The following MARCHF11 variants were observed in gnomAD, a reference collection of about 807,000 sequenced individuals.
MARCHF11 encodes E3 ubiquitin-protein ligase MARCHF11.
MARCHF11 carries 29 observed loss-of-function variants against 37.3 expected under a neutral mutation model. That is an observed-to-expected ratio of 0.78 (90% CI 0.58 to 1.06). The LOEUF (loss-of-function observed/expected upper bound fraction) is 1.06. Among genes scored for constraint, MARCHF11 ranks in the 50% least tolerant of loss-of-function variants. The pLI is 0.00. For synonymous variants in MARCHF11, 233 were observed against 228.0 expected (o/e 1.02, Z -0.20); for missense variants, 482 against 533.4 (o/e 0.90, Z 0.95).
intron 2 of MARCHF11, among the ~76,000 whole-genome samples, chr5:16,111,817 G>A (rs1035841770): frequency 6.6e-6 from 1 of 152,116 alleles, no homozygotes; most frequent in African/African-American, 2.4e-5. Context: ...TGGTTTCCTG[G>A]GCCAGGCCTA....
At chr5:16,101,721 C>T (rs1013690965) in intron 2 of MARCHF11, among the ~76,000 whole-genome samples, 10 of 152,224 alleles carry the variant, frequency 6.6e-5, no homozygotes, top group Non-Finnish European at 7.3e-5. Context: ...TTGAAAGCTA[C>T]CTTTGCTAAA....
intron 2 of MARCHF11, among the ~76,000 whole-genome samples, chr5:16,176,521 A>G (rs908582225): frequency 3.9e-5 from 6 of 152,176 alleles, no homozygotes; most frequent in African/African-American, 1.2e-4. Context: ...CATATTATTT[A>G]TGCTTTCTCT....
intron 2 of MARCHF11, among the ~76,000 whole-genome samples, chr5:16,119,666 G>A (rs1212692152): frequency 6.6e-6 from 1 of 151,238 alleles, no homozygotes; most frequent in Non-Finnish European, 1.5e-5. Flanking sequence ...AAAAAAAAAT[G>A]CCTATTCATG....
chr5:16,072,720 C>T (rs1207176109), intron 3 of MARCHF11, among the ~76,000 whole-genome samples: 1 of 152,076 alleles, frequency 6.6e-6, no homozygotes, highest in Non-Finnish European at 1.5e-5. Context: ...AGAGTTTTGC[C>T]CTGCACTCCT....
At chr5:16,133,924 G>A (rs937456450) in intron 2 of MARCHF11, among the ~76,000 whole-genome samples, 4 of 152,096 alleles carry the variant, frequency 2.6e-5, no homozygotes, top group Admixed American at 6.6e-5. Context: ...GGTTTGAAAC[G>A]TCCTTAAGGG....
chr5:16,073,805 T>C (rs1736473933), intron 3 of MARCHF11, among the ~76,000 whole-genome samples: 2 of 152,124 alleles, frequency 1.3e-5, no homozygotes, highest in African/African-American at 4.8e-5. Flanking sequence ...ATTTTGTGAA[T>C]ATGCATCTCC....
chr5:16,113,963 C>T (rs201359852), intron 2 of MARCHF11, among the ~76,000 whole-genome samples: 1 of 151,690 alleles, frequency 6.6e-6, no homozygotes. Flanking sequence ...CCTTTCTAAG[C>T]GTCTGGTATC....
At chr5:16,142,382 C>G (rs1441022501) in intron 2 of MARCHF11, among the ~76,000 whole-genome samples, 3 of 152,166 alleles carry the variant, frequency 2.0e-5, no homozygotes, top group Non-Finnish European at 2.9e-5. Flanking sequence ...TAATGGCACT[C>G]TAGGAGCATT....
intron 2 of MARCHF11, among the ~76,000 whole-genome samples, chr5:16,115,682 C>T (rs981708934): frequency 6.6e-6 from 1 of 150,484 alleles, no homozygotes; most frequent in African/African-American, 2.4e-5. Flanking sequence ...GGCTGGAGTG[C>T]AGTGGTGCAG....
chr5:16,084,270 G>A (rs1351535970), intron 3 of MARCHF11, among the ~76,000 whole-genome samples: 3 of 152,296 alleles, frequency 2.0e-5, no homozygotes, highest in South Asian at 4.1e-4. Context: ...GTTTTCTTGT[G>A]CATGCCAAAG....
At chr5:16,137,995 C>T (rs186437926) in intron 2 of MARCHF11, among the ~76,000 whole-genome samples, 1 of 152,264 alleles carries the variant, frequency 6.6e-6, no homozygotes, top group African/African-American at 2.4e-5. Context: ...CGAAGCAGAG[C>T]ATAAAAGTTC....
chr5:16,121,397 A>G (rs1737307658), intron 2 of MARCHF11, among the ~76,000 whole-genome samples: 1 of 152,234 alleles, frequency 6.6e-6, no homozygotes, highest in Admixed American at 6.5e-5. Flanking sequence ...CTATGTCTCC[A>G]GTAACTAACA....
At chr5:16,112,816 G>C (rs941035089) in intron 2 of MARCHF11, among the ~76,000 whole-genome samples, 1 of 152,114 alleles carries the variant, frequency 6.6e-6, no homozygotes, top group African/African-American at 2.4e-5. Flanking sequence ...GACTTGGTGG[G>C]AGATAACTGA....
chr5:16,164,553 G>A (rs1738139070), intron 2 of MARCHF11, among the ~76,000 whole-genome samples: 1 of 151,884 alleles, frequency 6.6e-6, no homozygotes, highest in South Asian at 2.1e-4. Flanking sequence ...ATATAATATG[G>A]TGCATTTTCA....
intron 2 of MARCHF11, among the ~76,000 whole-genome samples, chr5:16,147,759 A>G (rs1244795140): frequency 6.6e-6 from 1 of 152,158 alleles, no homozygotes; most frequent in African/African-American, 2.4e-5. Flanking sequence ...ACTGTATAGC[A>G]TACGTAGCAA....
At chr5:16,090,747 G>A in intron 3 of MARCHF11, 142 bp downstream of exon 3, 2 of 583,852 alleles carry the variant, frequency 3.4e-6, no homozygotes, top group Non-Finnish European at 5.2e-6. Context: ...CAGCCCAATT[G>A]TGACCCGCAG....
chr5:16,179,192 G>T lies in MARCHF11; in HGVS notation c.384C>A (p.Gly128=). Residue 128 remains glycine, a synonymous_variant, in exon 1 of 4, where the codon GGC becomes GGA. Coordinates refer to ENST00000332432, the MANE Select transcript of MARCHF11 (RefSeq NM_001102562.3). ...CTCCGGCGCCCCGCCGCTCGCGCTC[G>T]CCGCCCGCGCCGGCCTCAGACTCCC... ...GPGESEAGAG[G]ERERRGAGDQ... 2 of 1,341,480 alleles carry T rather than the reference G, an allele frequency of 1.5e-6. No individual in the cohort carries two copies. Among genetic ancestry groups the T allele is most frequent in the South Asian group, 3.8e-5 (2 of 52,014 alleles). 83.1% of individuals were successfully genotyped at this position (1,341,480 alleles called of 1,614,324 possible).
chr5:16,083,880 T>C (rs939940405), intron 3 of MARCHF11, among the ~76,000 whole-genome samples: 19 of 152,224 alleles, frequency 1.2e-4, no homozygotes, highest in African/African-American at 4.6e-4. Flanking sequence ...CCTAAAGGCA[T>C]CATTTTAGGG....
chr5:16,068,626 G>A (rs1424893253), intron 3 of MARCHF11, among the ~76,000 whole-genome samples: 2 of 152,156 alleles, frequency 1.3e-5, no homozygotes, highest in Admixed American at 6.5e-5. Context: ...CTTGGAAACC[G>A]TTAAGTCAGA....
Sources: gnomAD v4.1 joint callset for allele counts (sites outside exome capture counted in the v4.1 genomes callset) on GRCh38, gnomAD v4.1.1 for gene constraint, MANE v1.5 for transcripts, NCBI Gene and HGNC (gene_info 2026-07-23, HGNC 2026-07-21) for gene names.